The following SMYD2 variants were observed in gnomAD, a reference collection of about 807,000 sequenced individuals.
The protein encoded by SMYD2 is SET and MYND domain containing 2.
Under a neutral mutation model 59.1 loss-of-function variants are expected in SMYD2, and 53 were observed. The observed-to-expected ratio is 0.90, with a 90% confidence interval of 0.72 to 1.13. The LOEUF is 1.13. SMYD2 is among the 50% of genes most tolerant of loss of function. The pLI, the probability that SMYD2 is intolerant of heterozygous loss-of-function variation, is 0.00. For synonymous variants in SMYD2, 208 were observed against 198.8 expected (o/e 1.05, Z -0.39); for missense variants, 494 against 544.7 (o/e 0.91, Z 0.93).
intron 1 of SMYD2, among the ~76,000 whole-genome samples, chr1:214,292,681 T>C (rs138421468): frequency 1.6e-3 from 245 of 152,294 alleles, no homozygotes; most frequent in African/African-American, 5.8e-3. Context: ...AATGAATCCT[T>C]GTAAATACTC....
At chr1:214,297,314 G>GTTT (rs3032359) in intron 1 of SMYD2, among the ~76,000 whole-genome samples, 3,230 of 144,634 alleles carry the variant, frequency 0.022, 116 homozygotes, top group African/African-American at 0.077. Flanking sequence ...GTTATTTCAG[G>GTTT]TTTTTTTTTT....
At chr1:214,295,016 A>C (rs1030499275) in intron 1 of SMYD2, among the ~76,000 whole-genome samples, 1 of 152,234 alleles carries the variant, frequency 6.6e-6, no homozygotes, top group Non-Finnish European at 1.5e-5. Context: ...ACTAATAGTA[A>C]CATCTGTCAT....
At chr1:214,336,590 G>A (rs1571937807) in intron 11 of SMYD2, 114 bp from the exon 12 acceptor site, 2 of 772,980 alleles carry the variant, frequency 2.6e-6, no homozygotes, top group Non-Finnish European at 4.2e-6. Context: ...AGGCTCTAAT[G>A]GCCAGTTTGC....
At chr1:214,283,039 C>A (rs1378878700) in intron 1 of SMYD2, among the ~76,000 whole-genome samples, 1 of 152,172 alleles carries the variant, frequency 6.6e-6, no homozygotes. Context: ...GGATGCCAGG[C>A]ACATAGTAGG....
chr1:214,329,356 G>A (rs1369351980), intron 7 of SMYD2, among the ~76,000 whole-genome samples: 1 of 152,022 alleles, frequency 6.6e-6, no homozygotes, highest in Non-Finnish European at 1.5e-5. Context: ...GCACGCTAGC[G>A]GCTTCATGAG....
At chr1:214,320,308 AG>A (rs1376701822) in intron 5 of SMYD2, among the ~76,000 whole-genome samples, 1 of 152,232 alleles carries the variant, frequency 6.6e-6, no homozygotes, top group Non-Finnish European at 1.5e-5. Context: ...CATAACGTAA[AG>A]ATTAAGTGGA....
chr1:214,298,895 G>C (rs1006322920), intron 1 of SMYD2, among the ~76,000 whole-genome samples: 1 of 152,214 alleles, frequency 6.6e-6, no homozygotes, highest in Non-Finnish European at 1.5e-5. Context: ...GCTCACATCT[G>C]TAATCCCAGC....
At chr1:214,319,664 C>G (rs1657139161) in intron 5 of SMYD2, among the ~76,000 whole-genome samples, 1 of 152,208 alleles carries the variant, frequency 6.6e-6, no homozygotes, top group Admixed American at 6.5e-5. Flanking sequence ...GTGGCCATGC[C>G]TCGGGGAACA....
intron 1 of SMYD2, 120 bp downstream of exon 1, chr1:214,281,547 G>C (rs1656447355): frequency 2.2e-6 from 2 of 901,812 alleles, no homozygotes; most frequent in African/African-American, 1.8e-5. Context: ...CTTGGGGCGG[G>C]GTGGGGGGCG....
chr1:214,323,732 G>A (rs9786930), intron 5 of SMYD2, among the ~76,000 whole-genome samples: 16,041 of 151,500 alleles, frequency 0.11, 1,089 homozygotes, highest in Middle Eastern at 0.2. Context: ...TGAGCCAGCG[G>A]GCCCGTACAA....
intron 5 of SMYD2, among the ~76,000 whole-genome samples, chr1:214,323,007 G>GT (rs762019620): frequency 2.6e-5 from 4 of 152,204 alleles, no homozygotes; most frequent in Non-Finnish European, 5.9e-5. Context: ...ATCGTTCAGT[G>GT]TGAGTGCCTC....
At chr1:214,331,169 C>A in intron 9 of SMYD2, 99 bp downstream of exon 9, 2 of 1,542,534 alleles carry the variant, frequency 1.3e-6, no homozygotes, top group Non-Finnish European at 1.8e-6. Flanking sequence ...ATTTAAGATT[C>A]TGAAAACCAA....
chr1:214,313,120 T>C (rs2102467794), intron 2 of SMYD2, among the ~76,000 whole-genome samples: 1 of 152,134 alleles, frequency 6.6e-6, no homozygotes, highest in African/African-American at 2.4e-5. Context: ...GGCCTGAGCA[T>C]TTATTTTTAT....
intron 1 of SMYD2, among the ~76,000 whole-genome samples, chr1:214,302,254 G>C (rs1247333721): frequency 1.3e-5 from 2 of 151,462 alleles, no homozygotes; most frequent in East Asian, 3.9e-4. Flanking sequence ...GAGGAGAATT[G>C]CTTAAACCCA....
chr1:214,313,745 C>T (rs1657036587), intron 2 of SMYD2, among the ~76,000 whole-genome samples: 1 of 151,910 alleles, frequency 6.6e-6, no homozygotes, highest in African/African-American at 2.4e-5. Context: ...TACTTGCTTC[C>T]CTCAGCCTCC....
At chr1:214,304,959 A>G (rs556556788) in intron 1 of SMYD2, among the ~76,000 whole-genome samples, 1 of 152,170 alleles carries the variant, frequency 6.6e-6, no homozygotes, top group South Asian at 2.1e-4. Context: ...TGCTCTTCAT[A>G]CTGGTGGGTT....
intron 1 of SMYD2, among the ~76,000 whole-genome samples, chr1:214,293,011 TTGTGTGTGTGTGTGTGTGTGTGTGTGTG>T (rs58012666): frequency 0.025 from 3,471 of 137,442 alleles, 67 homozygotes; most frequent in African/African-American, 0.053. Context: ...CTTTTTCTGT[TTGTGTGTGTGTGTGTGTGTGTGTGTGTG>T]TGTGTGTGTG....
Position 214,336,552 on chromosome 1 carries a change from A to G in SMYD2, c.1222-152A>G, listed in dbSNP as rs552580332. 11 of 555,928 alleles carry G rather than the reference A, an allele frequency of 2.0e-5. No homozygotes were observed. In the East Asian group the frequency reaches 3.2e-4, roughly 16 times the overall value. 34.4% of individuals were successfully genotyped at this position (555,928 alleles called of 1,614,324 possible). A position where few individuals can be genotyped will look rare whatever the true frequency, so the allele number is the denominator to read the frequency against. On this transcript the variant is annotated intron_variant, in intron 11 of 11. Coordinates refer to ENST00000366957, the MANE Select transcript of SMYD2 (RefSeq NM_020197.3). ...GTCTCAAAATAAATAAATAAATTAA[A>G]ATAAAAACAGGTCCTGGTGGAGAAC...
chr1:214,286,303 C>CA (rs965357935), intron 1 of SMYD2, among the ~76,000 whole-genome samples: 120 of 151,944 alleles, frequency 7.9e-4, no homozygotes, highest in Admixed American at 4.8e-3. Flanking sequence ...CCATTCGCTA[C>CA]AAAAAAAATT....
Sources: gnomAD v4.1 joint callset for allele counts (sites outside exome capture counted in the v4.1 genomes callset) on GRCh38, gnomAD v4.1.1 for gene constraint, MANE v1.5 for transcripts, NCBI Gene and HGNC (gene_info 2026-07-23, HGNC 2026-07-21) for gene names.